The following HEATR6 variants were observed in gnomAD, a reference collection of about 807,000 sequenced individuals.
The protein encoded by HEATR6 is HEAT repeat containing 6.
In HEATR6, 106 loss-of-function variants were observed where a neutral mutation model predicts 132.8. The ratio of observed to expected loss-of-function variants is 0.80; its 90% CI spans 0.68 to 0.94. The LOEUF (loss-of-function observed/expected upper bound fraction) is 0.94, where lower values mean the gene tolerates loss of function less well. Ranked by LOEUF, HEATR6 falls within the 40% of genes least tolerant of loss-of-function variation. The pLI is 0.00. For missense variants in HEATR6, 1,339 were observed against 1,425.1 expected, an observed-to-expected ratio of 0.94 and a Z score of 0.97; for synonymous variants, 529 against 537.8, an observed-to-expected ratio of 0.98 and a Z score of 0.23.
Position 60,072,349 on chromosome 17 carries a change from ACAACT to A in HEATR6, c.585-25_585-21del. 7.4e-7 allele frequency: 1 copy of A among 1,352,826 alleles called. No individual in the cohort carries two copies. Among genetic ancestry groups the A allele is most frequent in the Non-Finnish European group, 1.0e-6 (1 of 957,164 alleles). 83.8% of individuals were successfully genotyped at this position (1,352,826 alleles called of 1,614,324 possible). ...GGCACACTAAACGCATACAGAGAAA[ACAACT>A]CAAACTCAGTCTCCTTTAAAATGAG... On this transcript the variant is annotated intron_variant, in intron 4 of 19. Coordinates refer to ENST00000184956, the MANE Select transcript of HEATR6 (RefSeq NM_022070.5).
At chr17:60,055,692 C>T (rs1217157038) in intron 13 of HEATR6, 91 bp from the exon 14 acceptor site, 4 of 765,334 alleles carry the variant, frequency 5.2e-6, no homozygotes, top group Admixed American at 5.4e-5. Flanking sequence ...CACCTTCACT[C>T]TAGTAACACC....
Position 60,043,229 on chromosome 17 carries a change from A to G in HEATR6, c.*334T>C, listed in dbSNP as rs1906241795. The stretch of plus-strand genomic sequence containing the variant: ...TAGTTTATTACAAAACTACAGATAC[A>G]ATACACAAAATTCTAATTCCGAAAT... On this transcript the variant is annotated 3_prime_UTR_variant, in exon 20 of 20. Coordinates refer to ENST00000184956, the MANE Select transcript of HEATR6 (RefSeq NM_022070.5). The G allele has an allele frequency of 3.5e-6, 1 of 287,040 alleles. No homozygotes were observed. The highest frequency in any genetic ancestry group is 2.2e-5 in the African/African-American group (1 of 45,042). 17.8% of individuals were successfully genotyped at this position (287,040 alleles called of 1,614,324 possible).
At chr17:60,075,840 CAAA>C (rs772457086) in intron 2 of HEATR6, 186 of 61,268 alleles carry the variant, frequency 3.0e-3, no homozygotes, top group South Asian at 0.013. Context: ...AACTCTGTCT[CAAA>C]AAAAAAAAAA....
chr17:60,049,717 T>G lies in HEATR6; in HGVS notation c.2425-15A>C. 6.2e-7 allele frequency: 1 copy of G among 1,611,110 alleles called. No homozygotes were observed. The highest frequency in any genetic ancestry group is 8.5e-7 in the Non-Finnish European group (1 of 1,178,766). Reference sequence around the variant, plus strand: ...TGCCTGTCATTCTGCAATGAGAAGGTTGACAAGGGAAAAATGAGAATGAAA... The same window carrying G: ...TGCCTGTCATTCTGCAATGAGAAGGGTGACAAGGGAAAAATGAGAATGAAA... On this transcript the variant is annotated splice_polypyrimidine_tract_variant and intron_variant, in intron 15 of 19. Coordinates refer to ENST00000184956, the MANE Select transcript of HEATR6 (RefSeq NM_022070.5).
At chr17:60,060,176 C>A in intron 9 of HEATR6, 80 bp from the exon 10 acceptor site, 1 of 947,976 alleles carries the variant, frequency 1.1e-6, no homozygotes, top group South Asian at 1.4e-5. Flanking sequence ...ATTTAATGTT[C>A]AAAGTATTTA....
chr17:60,058,322 T>C (rs1906820064), intron 11 of HEATR6, among the ~76,000 whole-genome samples: 1 of 152,194 alleles, frequency 6.6e-6, no homozygotes, highest in South Asian at 2.1e-4. Flanking sequence ...ATCTTGTACA[T>C]ATTTTGTTAG....
At position 60,056,135 on chromosome 17, in the gene HEATR6, T is replaced by C. The variant is rs202176166; in HGVS notation, c.2182A>G (p.Ile728Val). The C allele has an allele frequency of 3.7e-6, 6 of 1,614,042 alleles. No homozygotes were observed. The highest frequency in any genetic ancestry group is 5.1e-6 in the Non-Finnish European group (6 of 1,179,940). The change falls in exon 13 of 20, where the codon ATT (isoleucine) becomes GTT (valine). Residue 728 changes from isoleucine (I) to valine (V), a missense_variant. Coordinates refer to ENST00000184956, the MANE Select transcript of HEATR6 (RefSeq NM_022070.5). The stretch of plus-strand genomic sequence containing the variant: ...ATTACCTTTGCTCCATGAAGCTGAA[T>C]GGATGGATCTGCTTCCCCCATGCAC... ...CKCMGEADPS[I>V]QLHGAKLLEE... is the part of the protein sequence containing the mutation.
In HEATR6 at chr17:60,043,710, T is replaced by C. The variant is rs757059343; in HGVS notation, c.3399A>G (p.Arg1133=). 1 of 1,614,148 alleles carries C rather than the reference T, an allele frequency of 6.2e-7. No individual in the cohort carries two copies. Among genetic ancestry groups the C allele is most frequent in the Non-Finnish European group, 8.5e-7 (1 of 1,180,020 alleles). ...HSPQERDQMV[R]MALKHMGSIQ... ...TGCTGCCCATGTGTTTAAGGGCCATTCTGACCATCTGGTCTCTTTCCTGTG... is the reference window on the plus strand; with the variant it reads ...TGCTGCCCATGTGTTTAAGGGCCATCCTGACCATCTGGTCTCTTTCCTGTG... Residue 1133 remains arginine (R), a synonymous_variant, in exon 20 of 20, where the codon AGA becomes AGG. Transcript: ENST00000184956.
chr17:60,057,179 G>A lies in HEATR6; in HGVS notation c.1948C>T (p.Pro650Ser). 2 of 1,614,196 alleles carry A rather than the reference G, an allele frequency of 1.2e-6. No homozygotes were observed. Among genetic ancestry groups the A allele is most frequent in the South Asian group, 1.1e-5 (1 of 91,088 alleles). Residue 650 changes from proline (P) to serine (S), a missense_variant, in exon 12 of 20, where the codon CCC becomes TCC. Pro to Ser is a moderately conservative substitution (Grantham distance 74). Transcript: ENST00000184956. ...ATGCAGAGTCGAATGAGCCAGCAGG[G>A]CTCTGAAGACCCCTTAGGTGAGCTA... ...SVSSPKGSSE[P>S]CWLIRLCISI...
intron 15 of HEATR6, 38 bp from the exon 16 acceptor site, chr17:60,049,740 A>G: frequency 6.2e-7 from 1 of 1,603,886 alleles, no homozygotes; most frequent in Non-Finnish European, 8.5e-7. Flanking sequence ...AATGAGAATG[A>G]AATAACTACA....
chr17:60,047,275 G>C, intron 18 of HEATR6, 34 bp downstream of exon 18: 1 of 1,377,544 alleles, frequency 7.3e-7, no homozygotes, highest in Non-Finnish European at 1.0e-6. Context: ...TTAACTATCT[G>C]TTTGGGAGAT....
At chr17:60,058,801 C>G (rs1308246878) in intron 11 of HEATR6, among the ~76,000 whole-genome samples, 2 of 152,166 alleles carry the variant, frequency 1.3e-5, no homozygotes, top group African/African-American at 4.8e-5. Context: ...TTCCTTGTTA[C>G]AATTCTGCCT....
chr17:60,061,671 A>G (rs1026780000), intron 9 of HEATR6, among the ~76,000 whole-genome samples: 1 of 152,248 alleles, frequency 6.6e-6, no homozygotes, highest in Non-Finnish European at 1.5e-5. Context: ...ATTCCATATA[A>G]TTTTCACATA....
In HEATR6 at chr17:60,043,343, G is replaced by A; in HGVS notation, c.*220C>T. ...CAACCTGACTCCTCGGCTCCTGGATGCACAGGTCAGATGTTCCAACAACCC... is the reference window on the plus strand; with the variant it reads ...CAACCTGACTCCTCGGCTCCTGGATACACAGGTCAGATGTTCCAACAACCC... On this transcript the variant is annotated 3_prime_UTR_variant, in exon 20 of 20. Coordinates refer to ENST00000184956, the MANE Select transcript of HEATR6 (RefSeq NM_022070.5). 1 of 527,768 alleles carries A rather than the reference G, an allele frequency of 1.9e-6. No homozygotes were observed. The highest frequency in any genetic ancestry group is 3.4e-6 in the Non-Finnish European group (1 of 298,288). The allele number at this position is 527,768 out of a possible 1,614,324, so 32.7% of individuals were successfully genotyped here.
intron 6 of HEATR6, 25 bp from the exon 7 acceptor site, chr17:60,069,873 C>A: frequency 6.2e-7 from 1 of 1,608,354 alleles, no homozygotes; most frequent in South Asian, 1.1e-5. Context: ...TAAGGACACA[C>A]ACACACACAC....
At chr17:60,075,840 CAA>C (rs772457086) in intron 2 of HEATR6, 508 of 61,180 alleles carry the variant, frequency 8.3e-3, no homozygotes, top group South Asian at 0.028. Context: ...AACTCTGTCT[CAA>C]AAAAAAAAAA....
Position 60,050,969 on chromosome 17 carries a change from C to T in HEATR6, c.2298G>A (p.Met766Ile). The T allele has an allele frequency of 2.5e-6, 4 of 1,614,148 alleles. No homozygotes were observed. The highest frequency in any genetic ancestry group is 1.7e-5 in the Admixed American group (1 of 60,010). The change falls in exon 15 of 20, where the codon ATG (methionine) becomes ATA (isoleucine). Residue 766 changes from methionine to isoleucine, a missense_variant. By Grantham distance (10) the Met-to-Ile change is conservative. Transcript: ENST00000184956. ...DQRAPVFLVV[M>I]FWTMMLNGPL... ...GACCGTTCAGCATCATAGTCCAGAA[C>T]ATCACCACCTGGAACGGAGGCAAAG...
intron 14 of HEATR6, among the ~76,000 whole-genome samples, chr17:60,052,212 C>T (rs1906599507): frequency 6.6e-6 from 1 of 152,206 alleles, no homozygotes; most frequent in East Asian, 1.9e-4. Context: ...GAGGATCCTC[C>T]AACCCCATCA....
rs2083247815 is a variant in HEATR6 at position 60,067,451 on chromosome 17, G to A, written c.1221C>T (p.Gly407=). The A allele has an allele frequency of 1.3e-6, 2 of 1,552,358 alleles. No individual in the cohort carries two copies. Among genetic ancestry groups the A allele is most frequent in the South Asian group, 1.2e-5 (1 of 80,288 alleles). Residue 407 remains glycine (G), a synonymous_variant, in exon 8 of 20, where the codon GGC becomes GGT. Transcript: ENST00000184956. The stretch of plus-strand genomic sequence containing the variant: ...ACTACTACCTCATTTTACTCTGCAT[G>A]CCTCCTTCAGCATCAGAAAAGTCTG... ...SESDFSDAEG[G]MQSKMRSYQA...
Sources: gnomAD v4.1 joint callset for allele counts (sites outside exome capture counted in the v4.1 genomes callset) on GRCh38, gnomAD v4.1.1 for gene constraint, MANE v1.5 for transcripts, NCBI Gene and HGNC (gene_info 2026-07-23, HGNC 2026-07-21) for gene names.